AP4S1: variants seen among roughly 807,000 people sequenced by gnomAD.
AP4S1 encodes the protein AP-4 complex subunit sigma-1.
Under a neutral mutation model 19.8 loss-of-function variants are expected in AP4S1, and 23 were observed. The observed-to-expected ratio is 1.16, with a 90% CI of 0.84 to 1.65. AP4S1 has a LOEUF of 1.65. AP4S1 is among the 40% of genes most tolerant of loss of function. AP4S1 has a pLI of 0.00. For synonymous variants in AP4S1, 46 were observed against 54.1 expected (o/e 0.85, Z 0.66); for missense variants, 166 against 172.8 (o/e 0.96, Z 0.22).
At chr14:31,049,463 GTA>G (rs1885645814) in intron 1 of AP4S1, among the ~76,000 whole-genome samples, 1 of 40,086 alleles carries the variant, frequency 2.5e-5, no homozygotes, top group Non-Finnish European at 4.7e-5. Context: ...ATATATATAT[GTA>G]TATATATGTA....
In AP4S1 at chr14:31,085,342, GA is replaced by G. The variant is rs1887873930; in HGVS notation, c.306+4759del. On this transcript the variant is annotated intron_variant, in intron 5 of 5. Transcript: ENST00000542754. ...GATAAGAAGGCTGGGTGGTAGCTGGGATGTCCCACCTACGTGCCTGGGGAGA... is the reference window on the plus strand; with the variant it reads ...GATAAGAAGGCTGGGTGGTAGCTGGGTGTCCCACCTACGTGCCTGGGGAGA... The G allele has an allele frequency of 7.1e-6, 7 of 992,538 alleles. No homozygotes were observed. The South Asian group carries it at 3.2e-4, about 45-fold the overall frequency. The allele number at this position is 992,538 out of a possible 1,614,324, so 61.5% of individuals were successfully genotyped here.
intron 1 of AP4S1, among the ~76,000 whole-genome samples, chr14:31,052,728 CAAA>C (rs967926664): frequency 7.5e-5 from 4 of 53,322 alleles, no homozygotes; most frequent in Admixed American, 4.4e-4. Flanking sequence ...GACTCCCTCT[CAAA>C]AAAAAAAAAA....
intron 5 of AP4S1, chr14:31,084,915 G>C (rs1169090351): frequency 1.2e-6 from 2 of 1,613,874 alleles, no homozygotes; most frequent in Admixed American, 3.3e-5. Context: ...GAACAGCACA[G>C]TATGGGAGAC....
chr14:31,090,760 A>G lies in AP4S1; in HGVS notation c.307-2147A>G, dbSNP rs539940238. Among the ~76,000 whole-genome samples the G allele has an allele frequency of 6.6e-5, 10 of 152,358 alleles. No individual in the cohort carries two copies. In the South Asian group the frequency reaches 2.1e-3, roughly 32 times the overall value. On this transcript the variant is annotated intron_variant, in intron 5 of 5. Transcript: ENST00000542754. ...ACCAGGGTGTACAAGTTGCTCATAA[A>G]CCAAATCAAGATGTAAACAACAGCT...
chr14:31,043,208 G>A (rs940226988), intron 1 of AP4S1, among the ~76,000 whole-genome samples: 2 of 148,738 alleles, frequency 1.3e-5, no homozygotes, highest in Admixed American at 6.7e-5. Context: ...GTGACAGAGC[G>A]AGACTCTTTC....
intron 2 of AP4S1, among the ~76,000 whole-genome samples, chr14:31,069,420 T>C (rs780385055): frequency 4.6e-5 from 7 of 152,222 alleles, no homozygotes; most frequent in Non-Finnish European, 8.8e-5. Flanking sequence ...CCTCAATGAC[T>C]ATTAAATAGT....
At position 31,025,730 on chromosome 14, in the gene AP4S1, A is replaced by T; in HGVS notation, c.-129A>T. The T allele has an allele frequency of 1.1e-6, 1 of 871,994 alleles. No individual in the cohort carries two copies. The highest frequency in any genetic ancestry group is 1.7e-6 in the Non-Finnish European group (1 of 590,036). 54.0% of individuals were successfully genotyped at this position (871,994 alleles called of 1,614,324 possible). A position where few individuals can be genotyped will look rare whatever the true frequency, so the allele number is the denominator to read the frequency against. On this transcript the variant is annotated 5_prime_UTR_variant, in exon 1 of 6. Transcript: ENST00000542754. Reference sequence around the variant, plus strand: ...TGGGGAGCAAGCTTATGCGGGAAAGAGGGAGGGGGACTCCAGGAAAAGCCG... The same window carrying T: ...TGGGGAGCAAGCTTATGCGGGAAAGTGGGAGGGGGACTCCAGGAAAAGCCG...
chr14:31,038,285 A>G (rs758024035), intron 1 of AP4S1, among the ~76,000 whole-genome samples: 3 of 152,226 alleles, frequency 2.0e-5, no homozygotes, highest in South Asian at 2.1e-4. Context: ...TAAACACACT[A>G]TAGTGAATAT....
intron 1 of AP4S1, among the ~76,000 whole-genome samples, chr14:31,051,660 A>AATTT (rs1262073058): frequency 3.9e-5 from 6 of 152,008 alleles, no homozygotes; most frequent in Non-Finnish European, 8.8e-5. Context: ...TTGCGTATTC[A>AATTT]ATTTATTTAT....
At chr14:31,076,231 CTG>C (rs1887355022) in intron 4 of AP4S1, among the ~76,000 whole-genome samples, 1 of 152,176 alleles carries the variant, frequency 6.6e-6, no homozygotes, top group Non-Finnish European at 1.5e-5. Context: ...AACTGCCAAA[CTG>C]TTTTCCAAAG....
chr14:31,082,763 G>A (rs1251208095), intron 5 of AP4S1, among the ~76,000 whole-genome samples: 1 of 152,152 alleles, frequency 6.6e-6, no homozygotes, highest in African/African-American at 2.4e-5. Flanking sequence ...GGGCGCGGTG[G>A]CGGGCGCCTG....
Position 31,026,146 on chromosome 14 carries a change from T to C in AP4S1, c.-72+359T>C, listed in dbSNP as rs1008929955. 2.0e-6 allele frequency: 3 copies of C among 1,487,158 alleles called. No individual in the cohort carries two copies. In the South Asian group the frequency reaches 3.8e-5, roughly 19 times the overall value. The allele number at this position is 1,487,158 out of a possible 1,614,324, so 92.1% of individuals were successfully genotyped here. On this transcript the variant is annotated intron_variant, in intron 1 of 5. Coordinates refer to ENST00000542754, the MANE Select transcript of AP4S1 (RefSeq NM_001128126.3). Reference sequence around the variant, plus strand: ...TGCTGCTGCCGGGGAGGGGCCGCCATCCCCGGGCCGCCACCACCGCCTCCG... The same window carrying C: ...TGCTGCTGCCGGGGAGGGGCCGCCACCCCCGGGCCGCCACCACCGCCTCCG...
At chr14:31,057,572 A>G (rs1287223777) in intron 1 of AP4S1, among the ~76,000 whole-genome samples, 1 of 152,158 alleles carries the variant, frequency 6.6e-6, no homozygotes, top group Non-Finnish European at 1.5e-5. Context: ...TTGCTGGGAC[A>G]TGGATCTGAG....
At chr14:31,046,925 G>A (rs147296642) in intron 1 of AP4S1, among the ~76,000 whole-genome samples, 6 of 151,668 alleles carry the variant, frequency 4.0e-5, no homozygotes, top group East Asian at 3.8e-4. Flanking sequence ...GGAAACTGCC[G>A]ATTTGTTTTC....
intron 2 of AP4S1, 59 bp from the exon 3 acceptor site, chr14:31,069,784 T>A (rs1248940681): frequency 2.3e-6 from 3 of 1,292,550 alleles, no homozygotes; most frequent in South Asian, 2.4e-5. Context: ...CTTACGCATG[T>A]CATTTTAAAG....
At chr14:31,055,877 T>C (rs1886084703) in intron 1 of AP4S1, among the ~76,000 whole-genome samples, 1 of 151,976 alleles carries the variant, frequency 6.6e-6, no homozygotes, top group Admixed American at 6.6e-5. Context: ...GGAGTCTCAC[T>C]CTGTTACCCA....
intron 1 of AP4S1, among the ~76,000 whole-genome samples, chr14:31,045,667 C>T (rs976047634): frequency 3.3e-5 from 5 of 152,110 alleles, no homozygotes; most frequent in Admixed American, 1.3e-4. Flanking sequence ...ACTAATACAC[C>T]ATTCAAAATA....
intron 1 of AP4S1, chr14:31,026,189 G>A (rs778871263): frequency 2.1e-6 from 3 of 1,439,484 alleles, no homozygotes; most frequent in Non-Finnish European, 9.0e-7. Flanking sequence ...CGTCCATTGT[G>A]TGTGGGGCCC....
chr14:31,066,102 GT>G, intron 1 of AP4S1, 23 bp from the exon 2 acceptor site: 1 of 1,212,070 alleles, frequency 8.3e-7, no homozygotes. Flanking sequence ...TGCCTTTCTG[GT>G]TTTGTTTGTT....
Sources: gnomAD v4.1 joint callset for allele counts (sites outside exome capture counted in the v4.1 genomes callset) on GRCh38, gnomAD v4.1.1 for gene constraint, MANE v1.5 for transcripts, NCBI Gene and HGNC (gene_info 2026-07-23, HGNC 2026-07-21) for gene names.